The following PTPRD variants were observed in gnomAD, a reference collection of about 807,000 sequenced individuals.
PTPRD encodes the protein protein tyrosine phosphatase receptor type D, also known as receptor-type tyrosine-protein phosphatase delta.
A neutral mutation model predicts 214.5 loss-of-function variants in PTPRD; 34 were observed. That is an observed-to-expected ratio of 0.16 (90% CI 0.12 to 0.21). The LOEUF is 0.21. Among genes scored for constraint, PTPRD ranks in the 10% least tolerant of loss-of-function variants. The pLI is 1.00. For missense variants in PTPRD, 2,545 were observed against 2,398.7 expected (o/e 1.06, Z -1.27); for synonymous variants, 1,128 against 845.7 (o/e 1.33, Z -5.79).
At chr9:10,611,701 C>T (rs1374937278) in intron 2 of PTPRD, among the ~76,000 whole-genome samples, 3 of 152,152 alleles carry the variant, frequency 2.0e-5, no homozygotes, top group African/African-American at 4.8e-5. Context: ...GAGTTTATAA[C>T]CCGCTGTGTC....
intron 6 of PTPRD, among the ~76,000 whole-genome samples, chr9:9,745,131 T>C (rs2761698): frequency 0.52 from 78,550 of 151,404 alleles, 23,207 homozygotes; most frequent in African/African-American, 0.8. Context: ...TAAAAATAGT[T>C]AACCAGAAGA....
intron 11 of PTPRD, chr9:8,861,803 T>C (rs1469549987): frequency 6.6e-6 from 1 of 152,230 alleles, no homozygotes; most frequent in Non-Finnish European, 1.5e-5. Flanking sequence ...TCAAGTGACA[T>C]GTTCGGAAGA....
chr9:8,792,892 C>T (rs1243591325), intron 11 of PTPRD, among the ~76,000 whole-genome samples: 3 of 152,060 alleles, frequency 2.0e-5, no homozygotes, highest in Non-Finnish European at 4.4e-5. Flanking sequence ...CTTAATCAAC[C>T]CCCACAGTTA....
intron 38 of PTPRD, 141 bp downstream of exon 38, chr9:8,376,466 T>C (rs1159430632): frequency 1.6e-6 from 2 of 1,231,114 alleles, no homozygotes; most frequent in Non-Finnish European, 2.3e-6. Context: ...GGCTGAGTGA[T>C]AATGGAAGAT....
chr9:8,698,350 A>T (rs1243274451), intron 12 of PTPRD, among the ~76,000 whole-genome samples: 1 of 152,228 alleles, frequency 6.6e-6, no homozygotes. Flanking sequence ...CGAAGACGAC[A>T]GTTAGTGATA....
chr9:9,588,747 G>A (rs750105236), intron 7 of PTPRD, among the ~76,000 whole-genome samples: 32 of 151,844 alleles, frequency 2.1e-4, no homozygotes, highest in Non-Finnish European at 2.9e-5. Context: ...GAAATGTTAC[G>A]GGAACTGCAT....
chr9:10,076,583 G>A (rs992053215), intron 3 of PTPRD, among the ~76,000 whole-genome samples: 1 of 152,028 alleles, frequency 6.6e-6, no homozygotes, highest in Admixed American at 6.6e-5. Flanking sequence ...CTTGGAAAAA[G>A]CATGGCCCCT....
chr9:9,322,530 G>GTAAT (rs2136070628), intron 9 of PTPRD, among the ~76,000 whole-genome samples: 1 of 152,254 alleles, frequency 6.6e-6, no homozygotes, highest in South Asian at 2.1e-4. Flanking sequence ...CTAGGTTTAT[G>GTAAT]TAATAGACCA....
At chr9:9,179,022 C>A (rs972383539) in intron 10 of PTPRD, among the ~76,000 whole-genome samples, 1 of 152,052 alleles carries the variant, frequency 6.6e-6, no homozygotes, top group Non-Finnish European at 1.5e-5. Context: ...TAAAAACAGG[C>A]TCACTTAATG....
At chr9:8,749,643 T>C (rs955161534) in intron 11 of PTPRD, among the ~76,000 whole-genome samples, 1 of 152,238 alleles carries the variant, frequency 6.6e-6, no homozygotes, top group African/African-American at 2.4e-5. Flanking sequence ...TTTCAGACAA[T>C]GTCCTCATGT....
At chr9:9,930,862 C>T (rs1437243780) in intron 5 of PTPRD, among the ~76,000 whole-genome samples, 1 of 151,750 alleles carries the variant, frequency 6.6e-6, no homozygotes, top group African/African-American at 2.4e-5. Flanking sequence ...GTATGGTTAC[C>T]CTTGAAGTCC....
intron 12 of PTPRD, among the ~76,000 whole-genome samples, chr9:8,718,391 CACA>C (rs1461776402): frequency 6.6e-6 from 1 of 152,152 alleles, no homozygotes. Flanking sequence ...CACTCCAAAT[CACA>C]ACAATTGAAA....
intron 8 of PTPRD, among the ~76,000 whole-genome samples, chr9:9,523,205 A>G (rs1240647727): frequency 2.0e-5 from 3 of 152,146 alleles, no homozygotes; most frequent in Non-Finnish European, 1.5e-5. Flanking sequence ...TAGAACAATA[A>G]ATTTGTGGAT....
At chr9:10,542,599 T>C (rs961551104) in intron 2 of PTPRD, among the ~76,000 whole-genome samples, 2 of 152,200 alleles carry the variant, frequency 1.3e-5, no homozygotes, top group African/African-American at 4.8e-5. Context: ...TATTTATTTT[T>C]CTCTCAGAGT....
chr9:8,609,779 A>G (rs1182062392), intron 14 of PTPRD, among the ~76,000 whole-genome samples: 1 of 152,228 alleles, frequency 6.6e-6, no homozygotes, highest in Admixed American at 6.5e-5. Flanking sequence ...TAAAAATGGA[A>G]GGGATACTTG....
chr9:9,816,795 T>C (rs969209219), intron 5 of PTPRD, among the ~76,000 whole-genome samples: 1 of 151,920 alleles, frequency 6.6e-6, no homozygotes, highest in African/African-American at 2.4e-5. Flanking sequence ...GATAGTGAAC[T>C]GGAAAAAAAA....
rs565628723 is a variant in PTPRD, at chr9:10,429,343, A to G, written c.-599-88326T>C. ...CAATCCCACTACTGGGTATCTACTCAAAGGAAAATAAATCAATACATCTAA... is the reference window on the plus strand; with the variant it reads ...CAATCCCACTACTGGGTATCTACTCGAAGGAAAATAAATCAATACATCTAA... On this transcript the variant is annotated intron_variant, in intron 2 of 45. Coordinates refer to ENST00000381196, the MANE Select transcript of PTPRD (RefSeq NM_002839.4). Among the ~76,000 whole-genome samples the G allele has an allele frequency of 6.0e-4, 91 of 152,156 alleles. 1 individual carries two copies. Among genetic ancestry groups the G allele is most frequent in the South Asian group, 4.1e-4 (2 of 4,820 alleles).
chr9:10,600,639 C>T (rs1014614787), intron 2 of PTPRD, among the ~76,000 whole-genome samples: 7 of 151,758 alleles, frequency 4.6e-5, no homozygotes, highest in Non-Finnish European at 8.8e-5. Flanking sequence ...AGCTAGAGGT[C>T]ATTACTTTGT....
At chr9:9,275,672 T>G (rs921018883) in intron 9 of PTPRD, among the ~76,000 whole-genome samples, 2 of 151,266 alleles carry the variant, frequency 1.3e-5, no homozygotes, top group Non-Finnish European at 3.0e-5. Flanking sequence ...TTTCTAAGTC[T>G]GGGTAGGCTG....
Sources: allele counts gnomAD v4.1 joint callset (sites outside exome capture counted in the v4.1 genomes callset), GRCh38; gene constraint gnomAD v4.1.1; transcripts MANE v1.5; gene names NCBI Gene and HGNC (gene_info 2026-07-23, HGNC 2026-07-21).